DPH6: variants seen among roughly 807,000 people sequenced by gnomAD.
The protein encoded by DPH6 is diphthine--ammonia ligase.
Under a neutral mutation model 38.2 loss-of-function variants are expected in DPH6, and 33 were observed. That is an observed-to-expected ratio of 0.86 (90% CI 0.65 to 1.15). The LOEUF is 1.15. Ranked by LOEUF, DPH6 falls within the 50% of genes most tolerant of loss-of-function variation. The pLI is 0.00. For synonymous variants in DPH6, 108 were observed against 103.0 expected, an observed-to-expected ratio of 1.05 and a Z score of -0.30; for missense variants, 325 against 320.0, an observed-to-expected ratio of 1.02 and a Z score of -0.12.
chr15:35,496,567 A>AAATATATATATATATATAT, intron 3 of DPH6, among the ~76,000 whole-genome samples: 16 of 31,012 alleles, frequency 5.2e-4, no homozygotes, highest in Non-Finnish European at 5.8e-4. Context: ...AAAAAAAAAA[A>AAATATATATATATATATAT]ATATATATAT....
At position 35,432,474 on chromosome 15, in the gene DPH6, AT is replaced by A. The variant is rs143693978; in HGVS notation, c.505+18210del. On this transcript the variant is annotated intron_variant, in intron 5 of 8. Transcript: ENST00000256538. Reference sequence around the variant, plus strand: ...CAGAAAAAGAAAGAAGAGCTTTATTATGGCAGTTGGGATGACAGAAATATCA... The same window carrying A: ...CAGAAAAAGAAAGAAGAGCTTTATTAGGCAGTTGGGATGACAGAAATATCA... 8.9e-4 allele frequency among the ~76,000 whole-genome samples: 135 copies of A among 152,324 alleles called. 3 individuals are homozygous for A. The East Asian group carries it at 0.025, about 28-fold the overall frequency.
chr15:35,430,282 C>G (rs1320765924), intron 5 of DPH6, among the ~76,000 whole-genome samples: 1 of 151,480 alleles, frequency 6.6e-6, no homozygotes, highest in Non-Finnish European at 1.5e-5. Flanking sequence ...TTAATGCATT[C>G]ATTGCTACTC....
chr15:35,152,047 G>A, the DPH6 span, among the ~76,000 whole-genome samples: 1 of 152,124 alleles, frequency 6.6e-6, no homozygotes, highest in Non-Finnish European at 1.5e-5. Context: ...CTTCTTAAGT[G>A]TACATATAGC....
chr15:35,265,715 GT>G (rs2051779014), intron 3 of DPH6, among the ~76,000 whole-genome samples: 1 of 152,130 alleles, frequency 6.6e-6, no homozygotes, highest in South Asian at 2.1e-4. Context: ...TTACAGTTTA[GT>G]TTAGAAATAC....
chr15:35,299,377 T>C (rs1230452634), intron 3 of DPH6: 11 of 906,810 alleles, frequency 1.2e-5, no homozygotes, highest in South Asian at 2.6e-5. Flanking sequence ...CTGTAGAAGT[T>C]TGAAGTTTTT....
chr15:35,162,245 A>C, the DPH6 span, among the ~76,000 whole-genome samples: 1 of 151,874 alleles, frequency 6.6e-6, no homozygotes, highest in Non-Finnish European at 1.5e-5. Context: ...GCCAAGATAT[A>C]TTTTAGAAAG....
chr15:35,232,470 A>T (rs1445121847), intron 3 of DPH6, among the ~76,000 whole-genome samples: 1 of 151,972 alleles, frequency 6.6e-6, no homozygotes, highest in Non-Finnish European at 1.5e-5. Flanking sequence ...AATCTCAGCT[A>T]CTCAGGAGGC....
intron 7 of DPH6, among the ~76,000 whole-genome samples, chr15:35,374,824 G>A (rs755136648): frequency 7.2e-5 from 11 of 152,076 alleles, no homozygotes; most frequent in African/African-American, 9.7e-5. Flanking sequence ...GCAGCAGAAA[G>A]AGAAAGTACA....
At chr15:35,537,946 G>C (rs1288315392) in intron 3 of DPH6, 1 of 170,120 alleles carries the variant, frequency 5.9e-6, no homozygotes, top group Non-Finnish European at 1.3e-5. Context: ...CAGGCATATA[G>C]TAGGCATTCA....
intron 3 of DPH6, among the ~76,000 whole-genome samples, chr15:35,284,133 T>C (rs1015998537): frequency 4.6e-5 from 7 of 152,244 alleles, no homozygotes; most frequent in African/African-American, 1.2e-4. Flanking sequence ...AGTCAAACTA[T>C]TGACTTTTCT....
chr15:35,154,296 C>T, the DPH6 span, among the ~76,000 whole-genome samples: 2 of 151,706 alleles, frequency 1.3e-5, no homozygotes, highest in African/African-American at 4.8e-5. Context: ...GCCATAAATA[C>T]ATACAATTAC....
At chr15:35,322,968 T>A (rs2052253086) in intron 3 of DPH6, among the ~76,000 whole-genome samples, 1 of 152,166 alleles carries the variant, frequency 6.6e-6, no homozygotes, top group Non-Finnish European at 1.5e-5. Flanking sequence ...AGGAAAACTC[T>A]CTTCAGTTTT....
the DPH6 span, among the ~76,000 whole-genome samples, chr15:35,158,623 G>C: frequency 6.9e-3 from 1,046 of 152,032 alleles, 18 homozygotes; most frequent in African/African-American, 0.024. Flanking sequence ...AAATAAGTGG[G>C]AGATAGAACA....
chr15:35,529,202 A>C (rs1172626346), intron 3 of DPH6, among the ~76,000 whole-genome samples: 1 of 152,178 alleles, frequency 6.6e-6, no homozygotes, highest in Non-Finnish European at 1.5e-5. Context: ...AAGAGGTTTA[A>C]TCAGCTCAGG....
intron 3 of DPH6, chr15:35,521,798 A>C: frequency 1.6e-6 from 2 of 1,240,262 alleles, no homozygotes; most frequent in South Asian, 7.9e-5. Context: ...CAAGCATTTT[A>C]CTTAACTACA....
rs369802067 is a variant in DPH6 at position 35,384,995 on chromosome 15, C to T, written c.568-3079G>A. Among the ~76,000 whole-genome samples the T allele has an allele frequency of 2.5e-4, 38 of 152,182 alleles. 4 individuals are homozygous for T. Among genetic ancestry groups the T allele is most frequent in the East Asian group, 7.7e-4 (4 of 5,172 alleles). On this transcript the variant is annotated intron_variant, in intron 6 of 8. Transcript: ENST00000256538. ...CACTTCTCAAAAGAAGACATTTATG[C>T]GGCCAACAAACATATGAAAAAAAGC...
intron 3 of DPH6, chr15:35,520,710 A>G (rs1004809308): frequency 2.0e-5 from 20 of 985,012 alleles, no homozygotes; most frequent in Non-Finnish European, 2.3e-5. Context: ...AAACATGGAC[A>G]TTAGCTGTGA....
At chr15:35,299,493 G>T in intron 3 of DPH6, 1 of 740,864 alleles carries the variant, frequency 1.3e-6, no homozygotes, top group Non-Finnish European at 2.5e-6. Context: ...ATGGGCCGCG[G>T]TGGCGGCAGC....
intron 3 of DPH6, among the ~76,000 whole-genome samples, chr15:35,262,006 C>G (rs2051750394): frequency 6.6e-6 from 1 of 152,036 alleles, no homozygotes; most frequent in Non-Finnish European, 1.5e-5. Context: ...TGGAGACATA[C>G]AAAAAAGGGT....
Sources: gnomAD v4.1 joint callset for allele counts (sites outside exome capture counted in the v4.1 genomes callset) on GRCh38, gnomAD v4.1.1 for gene constraint, MANE v1.5 for transcripts, NCBI Gene and HGNC (gene_info 2026-07-23, HGNC 2026-07-21) for gene names.